Variants in PGBD5 observed in about 807,000 individuals in gnomAD.
PGBD5 encodes piggyBac transposable element-derived protein 5.
Under a neutral mutation model 47.9 loss-of-function variants are expected in PGBD5, and 14 were observed. That is an observed-to-expected ratio of 0.29 (90% CI 0.19 to 0.46). PGBD5 has a LOEUF of 0.46. Ranked by LOEUF, PGBD5 falls within the 20% of genes least tolerant of loss-of-function variation. The probability of loss-of-function intolerance (pLI) is 1.00; values close to 1 mark genes in which losing one functional copy is unlikely to be tolerated. For synonymous variants in PGBD5, 316 were observed against 306.3 expected (o/e 1.03, Z -0.33); for missense variants, 635 against 716.0 (o/e 0.89, Z 1.29).
At chr1:230,324,068 T>C (rs1558189269) in intron 6 of PGBD5, among the ~76,000 whole-genome samples, 1 of 152,314 alleles carries the variant, frequency 6.6e-6, no homozygotes, top group South Asian at 2.1e-4. Flanking sequence ...GAATGTACCT[T>C]TGCCATCCCC....
In PGBD5 at chr1:230,335,920, GACACAGACAC is replaced by G. The variant is rs112626318; in HGVS notation, c.1075+1178_1075+1187del. Among the ~76,000 whole-genome samples, 363 of 148,340 alleles carry G rather than the reference GACACAGACAC, an allele frequency of 2.4e-3. 3 individuals are homozygous for G. The highest frequency in any genetic ancestry group is 8.5e-3 in the African/African-American group (346 of 40,472). ...ACGGACATACAGACACAAAGACACA[GACACAGACAC>G]ACACAGACACACAAAGACACAGAGA... On this transcript the variant is annotated intron_variant, in intron 4 of 6. Coordinates refer to ENST00000391860, the MANE Select transcript of PGBD5 (RefSeq NM_001258311.2).
rs60920190 is a variant in PGBD5 at position 230,317,567 on chromosome 1, C to A, written c.*5858G>T. Reference sequence around the variant, plus strand: ...GCGAGACGCACCAAGAACAGAGGTGCGCTGCCGGGGGCTGACCCTTGGGGA... The same window carrying A: ...GCGAGACGCACCAAGAACAGAGGTGAGCTGCCGGGGGCTGACCCTTGGGGA... On this transcript the variant is annotated 3_prime_UTR_variant, in exon 7 of 7. Coordinates refer to ENST00000391860, the MANE Select transcript of PGBD5 (RefSeq NM_001258311.2). 0.28 allele frequency: 43,035 copies of A among 151,904 alleles called. 6,933 individuals are homozygous for A. Among genetic ancestry groups the A allele is most frequent in the East Asian group, 0.55 (2,806 of 5,126 alleles). The allele number at this position is 151,904 out of a possible 1,614,324, so 9.4% of individuals were successfully genotyped here. A position where few individuals can be genotyped will look rare whatever the true frequency, so the allele number is the denominator to read the frequency against.
intron 1 of PGBD5, among the ~76,000 whole-genome samples, chr1:230,418,767 G>A (rs1040506235): frequency 2.0e-4 from 30 of 152,266 alleles, no homozygotes; most frequent in African/African-American, 7.0e-4. Flanking sequence ...GAGATTACAG[G>A]CTAGGCATGA....
At chr1:230,399,699 AC>A (rs1214677235) in intron 1 of PGBD5, among the ~76,000 whole-genome samples, 1 of 151,844 alleles carries the variant, frequency 6.6e-6, no homozygotes, top group Non-Finnish European at 1.5e-5. Flanking sequence ...TGGCTGAAGG[AC>A]CCCCGCAGAC....
chr1:230,359,656 T>G (rs534590992), intron 1 of PGBD5, among the ~76,000 whole-genome samples: 1 of 152,184 alleles, frequency 6.6e-6, no homozygotes, highest in Non-Finnish European at 1.5e-5. Flanking sequence ...CTTTGAAAGG[T>G]TGTCATGCAG....
rs367801601 is a variant in PGBD5, at chr1:230,372,502, C to A, written c.332-15181G>T. ...CCCGCCATCATCCCACGAATGTTCT[C>A]TGATGTGATAAAGAGCTTGCTCCTG... On this transcript the variant is annotated intron_variant, in intron 1 of 6. Coordinates refer to ENST00000391860, the MANE Select transcript of PGBD5 (RefSeq NM_001258311.2). 1.6e-4 allele frequency among the ~76,000 whole-genome samples: 24 copies of A among 152,326 alleles called. 1 individual carries two copies. Among genetic ancestry groups the A allele is most frequent in the African/African-American group, 5.8e-4 (24 of 41,576 alleles).
At chr1:230,405,194 CAA>C (rs572023424) in intron 1 of PGBD5, among the ~76,000 whole-genome samples, 11 of 120,016 alleles carry the variant, frequency 9.2e-5, no homozygotes, top group Non-Finnish European at 1.4e-4. Flanking sequence ...GACTCCACCT[CAA>C]AAAAAAAAAA....
At chr1:230,386,139 C>T (rs1403636161) in intron 1 of PGBD5, among the ~76,000 whole-genome samples, 1 of 152,006 alleles carries the variant, frequency 6.6e-6, no homozygotes, top group Non-Finnish European at 1.5e-5. Flanking sequence ...CTAGCCTGGG[C>T]AACACAGCGA....
rs1035058637 is a variant in PGBD5 at position 230,316,736 on chromosome 1, T to C, written c.*6689A>G. ...AGGCTGGAGGAGTAGGTGGGCACCA[T>C]ACTTCCTTGGAGAAAACAGAAGCAA... On this transcript the variant is annotated 3_prime_UTR_variant, in exon 7 of 7. Coordinates refer to ENST00000391860, the MANE Select transcript of PGBD5 (RefSeq NM_001258311.2). 2 of 152,028 alleles carry C rather than the reference T, an allele frequency of 1.3e-5. No individual in the cohort carries two copies. Among genetic ancestry groups the C allele is most frequent in the African/African-American group, 4.8e-5 (2 of 41,382 alleles). 9.4% of individuals were successfully genotyped at this position (152,028 alleles called of 1,614,324 possible).
rs971015738 is a variant in PGBD5 at position 230,323,751 on chromosome 1, G to C, written c.1380-131C>G. On this transcript the variant is annotated intron_variant, in intron 6 of 6. Coordinates refer to ENST00000391860, the MANE Select transcript of PGBD5 (RefSeq NM_001258311.2). This position sits in a 1 kb window ranked among gnomAD's most constrained non-coding sequence, Gnocchi z 4.1. Reference sequence around the variant, plus strand: ...CCCCCGACAGAAGCAGGAGGGCTATGGGGGCAGGAGTCAGGCTTGGGATGT... The same window carrying C: ...CCCCCGACAGAAGCAGGAGGGCTATCGGGGCAGGAGTCAGGCTTGGGATGT... 3 of 812,986 alleles carry C rather than the reference G, an allele frequency of 3.7e-6. No individual in the cohort carries two copies. Among genetic ancestry groups the C allele is most frequent in the Non-Finnish European group, 3.8e-6 (2 of 520,776 alleles). The allele number at this position is 812,986 out of a possible 1,614,324, so 50.4% of individuals were successfully genotyped here. A position where few individuals can be genotyped will look rare whatever the true frequency, so the allele number is the denominator to read the frequency against.
chr1:230,340,968 G>C (rs1019141232), intron 3 of PGBD5, among the ~76,000 whole-genome samples: 1 of 152,134 alleles, frequency 6.6e-6, no homozygotes, highest in East Asian at 1.9e-4. Flanking sequence ...TGTCACAGGA[G>C]AAGGGGACAG....
At chr1:230,359,889 T>C (rs953696738) in intron 1 of PGBD5, among the ~76,000 whole-genome samples, 32 of 152,162 alleles carry the variant, frequency 2.1e-4, no homozygotes, top group African/African-American at 7.0e-4. Flanking sequence ...CACCAACCAT[T>C]TTTTGGGCAC....
At chr1:230,401,031 A>G (rs1042106561) in intron 1 of PGBD5, among the ~76,000 whole-genome samples, 1 of 152,212 alleles carries the variant, frequency 6.6e-6, no homozygotes, top group African/African-American at 2.4e-5. Flanking sequence ...CACGCATATT[A>G]TCTACAGTTA....
chr1:230,350,846 C>T, intron 3 of PGBD5, 112 bp downstream of exon 3: 1 of 1,441,536 alleles, frequency 6.9e-7, no homozygotes, highest in Non-Finnish European at 9.3e-7. Context: ...CTTGGACCCA[C>T]AGTGAAAAGG....
At chr1:230,422,599 G>A (rs1235334643) in intron 1 of PGBD5, among the ~76,000 whole-genome samples, 3 of 152,168 alleles carry the variant, frequency 2.0e-5, no homozygotes, top group East Asian at 1.9e-4. Flanking sequence ...GTCATCCCGA[G>A]GGAATCCACA....
chr1:230,368,759 C>T (rs2102715820), intron 1 of PGBD5, among the ~76,000 whole-genome samples: 1 of 152,176 alleles, frequency 6.6e-6, no homozygotes, highest in East Asian at 1.9e-4. Context: ...GCCTGAAGTA[C>T]AGGCAGGTCC....
intron 1 of PGBD5, among the ~76,000 whole-genome samples, chr1:230,404,670 G>T (rs1030364880): frequency 6.8e-6 from 1 of 146,662 alleles, no homozygotes; most frequent in Non-Finnish European, 1.5e-5. Context: ...GGTGGCTTAC[G>T]CCTGTAATCC....
chr1:230,329,303 C>T (rs1667177348), intron 5 of PGBD5, among the ~76,000 whole-genome samples: 2 of 152,090 alleles, frequency 1.3e-5, no homozygotes, highest in African/African-American at 4.8e-5. Flanking sequence ...TATGCTCATA[C>T]TCTGTGACAA....
chr1:230,329,126 G>T (rs1178493322), intron 5 of PGBD5, among the ~76,000 whole-genome samples: 2 of 151,284 alleles, frequency 1.3e-5, no homozygotes, highest in Admixed American at 1.3e-4. Flanking sequence ...TTTTTTTGGG[G>T]GGGGAGGTGG....
Sources: gnomAD v4.1 joint callset for allele counts (sites outside exome capture counted in the v4.1 genomes callset) on GRCh38, gnomAD v4.1.1 for gene constraint, Gnocchi (gnomAD v3.1) non-coding constraint, MANE v1.5 for transcripts, NCBI Gene and HGNC (gene_info 2026-07-23, HGNC 2026-07-21) for gene names.